Variants in FSIP1 observed in about 807,000 individuals in gnomAD.
FSIP1 encodes the protein fibrous sheath interacting protein 1, also known as fibrous sheath-interacting protein 1.
FSIP1 carries 65 observed loss-of-function variants against 60.9 expected under a neutral mutation model. That is an observed-to-expected ratio of 1.07 (90% CI 0.87 to 1.31). FSIP1 has a LOEUF of 1.31. FSIP1 is among the 40% of genes most tolerant of loss of function. The pLI is 0.00. For synonymous variants in FSIP1, 209 were observed against 221.2 expected (o/e 0.94, Z 0.49); for missense variants, 675 against 665.5 (o/e 1.01, Z -0.16).
At position 39,686,665 on chromosome 15, in the gene FSIP1, G is replaced by A. The variant is rs1894384025; in HGVS notation, c.1188+26779C>T. ...ATGACGGCAAGTGTCAAGTAATCCT[G>A]CAGACTGGGTAGAATGTATATCATT... On this transcript the variant is annotated intron_variant, in intron 10 of 11. Coordinates refer to ENST00000350221, the MANE Select transcript of FSIP1 (RefSeq NM_152597.5). Among the ~76,000 whole-genome samples, 6 of 152,352 alleles carry A rather than the reference G, an allele frequency of 3.9e-5. No individual in the cohort carries two copies. The South Asian group carries it at 1.2e-3, about 32-fold the overall frequency.
intron 10 of FSIP1, among the ~76,000 whole-genome samples, chr15:39,654,145 T>C (rs1468191159): frequency 6.6e-6 from 1 of 152,216 alleles, no homozygotes; most frequent in Non-Finnish European, 1.5e-5. Flanking sequence ...CGAGGTTGCT[T>C]TGCAGTTAAT....
At chr15:39,717,860 G>A (rs569378050) in intron 9 of FSIP1, among the ~76,000 whole-genome samples, 6 of 152,276 alleles carry the variant, frequency 3.9e-5, no homozygotes, top group African/African-American at 1.2e-4. Context: ...AAGCAAAGTC[G>A]CCTCCTAACA....
chr15:39,718,997 T>C (rs1895853527), intron 9 of FSIP1, among the ~76,000 whole-genome samples: 1 of 152,220 alleles, frequency 6.6e-6, no homozygotes, highest in African/African-American at 2.4e-5. Flanking sequence ...TATGAGTCTA[T>C]AATTCTCTAC....
At chr15:39,648,353 T>G (rs1226315514) in intron 10 of FSIP1, among the ~76,000 whole-genome samples, 1 of 152,222 alleles carries the variant, frequency 6.6e-6, no homozygotes, top group Admixed American at 6.5e-5. Flanking sequence ...GGTTTTGTAC[T>G]ACTCACTAAC....
intron 10 of FSIP1, among the ~76,000 whole-genome samples, chr15:39,682,521 G>C (rs371336676): frequency 6.6e-6 from 1 of 152,178 alleles, no homozygotes; most frequent in African/African-American, 2.4e-5. Context: ...AAGGGGTGAG[G>C]GGGTGACTGT....
chr15:39,603,745 G>C (rs923088312), intron 11 of FSIP1, among the ~76,000 whole-genome samples: 3 of 152,124 alleles, frequency 2.0e-5, no homozygotes, highest in African/African-American at 7.2e-5. Flanking sequence ...GAAAAAAGCA[G>C]ACATTCAGCA....
In FSIP1 at chr15:39,763,929, A is replaced by G. The variant is rs1276504780; in HGVS notation, c.466-15T>C. On this transcript the variant is annotated splice_polypyrimidine_tract_variant and intron_variant, in intron 4 of 11. Coordinates refer to ENST00000350221, the MANE Select transcript of FSIP1 (RefSeq NM_152597.5). Reference sequence around the variant, plus strand: ...TATTTTGCAGACTAATGAAAGGAAAATTAAAATTTAAACATGGGAAAAGAA... The same window carrying G: ...TATTTTGCAGACTAATGAAAGGAAAGTTAAAATTTAAACATGGGAAAAGAA... 7 of 1,393,816 alleles carry G rather than the reference A, an allele frequency of 5.0e-6. No homozygotes were observed. Among genetic ancestry groups the G allele is most frequent in the Admixed American group, 3.7e-5 (2 of 54,416 alleles). The allele number at this position is 1,393,816 out of a possible 1,614,324, so 86.3% of individuals were successfully genotyped here. A position where few individuals can be genotyped will look rare whatever the true frequency, so the allele number is the denominator to read the frequency against.
At chr15:39,741,618 G>A (rs920414243) in intron 6 of FSIP1, among the ~76,000 whole-genome samples, 187 bp downstream of exon 6, 6 of 152,164 alleles carry the variant, frequency 3.9e-5, no homozygotes, top group Admixed American at 3.3e-4. Context: ...AACATCCAAA[G>A]TAGAATGGTA....
rs149451398 is a variant in FSIP1 at position 39,713,603 on chromosome 15, A to C, written c.1051-22T>G. On this transcript the variant is annotated intron_variant, in intron 9 of 11. Transcript: ENST00000350221. Reference sequence around the variant, plus strand: ...GTTTCTAATTTAAAGAAAAAAAAAAAACATCATTCACAGGCTGGAAATGTG... The same window carrying C: ...GTTTCTAATTTAAAGAAAAAAAAAACACATCATTCACAGGCTGGAAATGTG... The C allele has an allele frequency of 1.1e-3, 1,776 of 1,578,526 alleles. 13 individuals are homozygous for C. In the African/African-American group the frequency reaches 0.022, roughly 19 times the overall value.
At chr15:39,621,805 C>T (rs994085930) in intron 10 of FSIP1, among the ~76,000 whole-genome samples, 1 of 152,108 alleles carries the variant, frequency 6.6e-6, no homozygotes, top group Admixed American at 6.5e-5. Context: ...TACATTAAGC[C>T]CTCAAATTAA....
At chr15:39,656,333 G>A (rs1421107652) in intron 10 of FSIP1, among the ~76,000 whole-genome samples, 1 of 152,206 alleles carries the variant, frequency 6.6e-6, no homozygotes, top group Non-Finnish European at 1.5e-5. Flanking sequence ...ATTTAAAGGT[G>A]TACAATATTC....
At chr15:39,768,417 T>TA (rs1897763780) in intron 3 of FSIP1, among the ~76,000 whole-genome samples, 2 of 152,214 alleles carry the variant, frequency 1.3e-5, no homozygotes, top group African/African-American at 4.8e-5. Context: ...CACTGAAAAG[T>TA]AAATATTTAC....
chr15:39,616,154 A>T (rs1891223633), intron 11 of FSIP1, among the ~76,000 whole-genome samples: 1 of 152,256 alleles, frequency 6.6e-6, no homozygotes. Context: ...ATATTTATAT[A>T]GAATGTGTGA....
chr15:39,695,435 C>T (rs540054455), intron 10 of FSIP1, among the ~76,000 whole-genome samples: 22 of 151,938 alleles, frequency 1.4e-4, no homozygotes, highest in African/African-American at 5.3e-4. Context: ...ACACACTTTA[C>T]CCTTCAAAGC....
At chr15:39,712,418 G>A (rs1895557233) in intron 10 of FSIP1, among the ~76,000 whole-genome samples, 1 of 152,156 alleles carries the variant, frequency 6.6e-6, no homozygotes, top group Non-Finnish European at 1.5e-5. Flanking sequence ...GGTTATAAGT[G>A]GCTAAGGCAT....
At chr15:39,604,694 C>T (rs1890759574) in intron 11 of FSIP1, among the ~76,000 whole-genome samples, 1 of 152,154 alleles carries the variant, frequency 6.6e-6, no homozygotes, top group Admixed American at 6.5e-5. Flanking sequence ...GGTTAAGTCA[C>T]TAAGGGCATT....
chr15:39,621,801 A>G (rs931144385), intron 10 of FSIP1, among the ~76,000 whole-genome samples: 5 of 152,330 alleles, frequency 3.3e-5, no homozygotes, highest in African/African-American at 1.2e-4. Flanking sequence ...GAAATACATT[A>G]AGCCCTCAAA....
intron 10 of FSIP1, among the ~76,000 whole-genome samples, chr15:39,710,490 G>C (rs765053935): frequency 3.3e-5 from 5 of 151,354 alleles, no homozygotes; most frequent in East Asian, 1.9e-4. Flanking sequence ...AACATTCATG[G>C]GCCTTTATCA....
rs1483986890 is a variant in FSIP1, at chr15:39,769,233, C to T, written c.310+1194G>A. Among the ~76,000 whole-genome samples, 3 of 150,354 alleles carry T rather than the reference C, an allele frequency of 2.0e-5. No individual in the cohort carries two copies. In the South Asian group the frequency reaches 6.3e-4, roughly 32 times the overall value. ...GGCAGAGCTTGCAGTGAGCCGAGAT[C>T]GCGCCACTGCACTCCAGCCTGGGCG... On this transcript the variant is annotated intron_variant, in intron 3 of 11. Coordinates refer to ENST00000350221, the MANE Select transcript of FSIP1 (RefSeq NM_152597.5).
Sources: allele counts gnomAD v4.1 joint callset (sites outside exome capture counted in the v4.1 genomes callset), GRCh38; gene constraint gnomAD v4.1.1; transcripts MANE v1.5; gene names NCBI Gene and HGNC (gene_info 2026-07-23, HGNC 2026-07-21).